The following TMEM260 variants were observed in gnomAD, a reference collection of about 807,000 sequenced individuals.
TMEM260 encodes the protein protein O-mannosyl-transferase TMEM260.
In TMEM260, 82 loss-of-function variants were observed where a neutral mutation model predicts 88.9. That is an observed-to-expected ratio of 0.92 (90% CI 0.77 to 1.11). The LOEUF (loss-of-function observed/expected upper bound fraction) is 1.11, where lower values mean the gene tolerates loss of function less well. TMEM260 is among the 50% of genes least tolerant of loss of function. TMEM260 has a pLI of 0.00. For missense variants in TMEM260, 902 were observed against 853.4 expected (o/e 1.06, Z -0.71); for synonymous variants, 314 against 309.3 (o/e 1.02, Z -0.16).
downstream of TMEM260, among the ~76,000 whole-genome samples, chr14:56,651,326 GAA>G (rs72001981): frequency 1.3e-5 from 2 of 148,662 alleles, no homozygotes; most frequent in East Asian, 2.0e-4. Flanking sequence ...GGTTTTTCAG[GAA>G]AAAAAAAAAT....
intron 15 of TMEM260, among the ~76,000 whole-genome samples, chr14:56,644,351 A>G (rs1889809934): frequency 1.3e-5 from 2 of 152,328 alleles, no homozygotes; most frequent in Admixed American, 6.5e-5. Context: ...ATAATGCCAC[A>G]TATCTACAAA....
intron 12 of TMEM260, among the ~76,000 whole-genome samples, chr14:56,629,497 AT>A (rs1277241458): frequency 6.6e-6 from 1 of 152,040 alleles, no homozygotes; most frequent in African/African-American, 2.4e-5. Context: ...ATATTCTACA[AT>A]ATTTATCAGA....
At chr14:56,606,559 A>G (rs185737555) in intron 5 of TMEM260, among the ~76,000 whole-genome samples, 175 of 152,360 alleles carry the variant, frequency 1.1e-3, no homozygotes, top group African/African-American at 4.0e-3. Context: ...CAAAAAGGGT[A>G]ACACAGAGGT....
chr14:56,662,159 G>A, the TMEM260 span, among the ~76,000 whole-genome samples: 1 of 152,188 alleles, frequency 6.6e-6, no homozygotes, highest in South Asian at 2.1e-4. Flanking sequence ...TCTAAATCTT[G>A]TCTGTCTTCT....
At chr14:56,649,882 G>A (rs930061653), downstream of TMEM260, among the ~76,000 whole-genome samples, 1 of 152,136 alleles carries the variant, frequency 6.6e-6, no homozygotes, top group African/African-American at 2.4e-5. Context: ...ATGATGGCCC[G>A]GAGTAGATAG....
At chr14:56,640,186 C>T (rs1365132651) in intron 15 of TMEM260, among the ~76,000 whole-genome samples, 2 of 152,186 alleles carry the variant, frequency 1.3e-5, no homozygotes, top group Admixed American at 6.5e-5. Flanking sequence ...TGAGAATGGG[C>T]AGACTGCCTC....
chr14:56,639,025 AGGTAGCACAGTTGT>A (rs1215490886), intron 15 of TMEM260, among the ~76,000 whole-genome samples: 1 of 152,202 alleles, frequency 6.6e-6, no homozygotes, highest in African/African-American at 2.4e-5. Context: ...TTCCAGAAAA[AGGTAGCACAGTTGT>A]CCTGCTGCCT....
intron 13 of TMEM260, chr14:56,633,420 A>G (rs963480123): frequency 6.3e-6 from 2 of 315,652 alleles, no homozygotes; most frequent in Non-Finnish European, 1.2e-5. Flanking sequence ...GGTTAGATGC[A>G]TGGCACCTTC....
chr14:56,609,033 A>T, intron 5 of TMEM260, 73 bp from the exon 6 acceptor site: 1 of 1,456,704 alleles, frequency 6.9e-7, no homozygotes, highest in South Asian at 1.2e-5. Context: ...GTTTTCCTTG[A>T]TATGTTCTTG....
intron 15 of TMEM260, chr14:56,638,458 A>G (rs1462151112): frequency 6.6e-6 from 1 of 152,206 alleles, no homozygotes; most frequent in Non-Finnish European, 1.5e-5. Flanking sequence ...ACTTACTGAT[A>G]CTTTATATTC....
chr14:56,638,340 G>C (rs1889284405), intron 15 of TMEM260: 1 of 152,012 alleles, frequency 6.6e-6, no homozygotes, highest in African/African-American at 2.4e-5. Flanking sequence ...AAAAAAAAGG[G>C]CTTTAAACTT....
Position 56,585,925 on chromosome 14 carries a change from A to T in TMEM260, c.344+13A>T, listed in dbSNP as rs1377328016. 1 of 1,609,054 alleles carries T rather than the reference A, an allele frequency of 6.2e-7. No individual in the cohort carries two copies. Reference sequence around the variant, plus strand: ...TCACCGTTTTCAGGTAAAGTAGTTGATTAGTTAAAATTAATTTTGAGCAGT... The same window carrying T: ...TCACCGTTTTCAGGTAAAGTAGTTGTTTAGTTAAAATTAATTTTGAGCAGT... On this transcript the variant is annotated intron_variant, in intron 3 of 15. Coordinates refer to ENST00000261556, the MANE Select transcript of TMEM260 (RefSeq NM_017799.4).
intron 12 of TMEM260, 100 bp from the exon 13 acceptor site, chr14:56,632,895 G>C (rs1452087129): frequency 8.6e-7 from 1 of 1,166,246 alleles, no homozygotes; most frequent in Non-Finnish European, 1.2e-6. Flanking sequence ...GGTAATAACT[G>C]TTGGGAAAAA....
rs1566547957 is a variant in TMEM260, at chr14:56,610,951, C to G, written c.817-1294C>G. ...CTGATTTCTAGCCAAATATTCTTTT[C>G]TTTCTTTCTTTCTTTCTTTTTTTTT... On this transcript the variant is annotated intron_variant, in intron 6 of 15. Coordinates refer to ENST00000261556, the MANE Select transcript of TMEM260 (RefSeq NM_017799.4). 2.1e-5 allele frequency among the ~76,000 whole-genome samples: 3 copies of G among 143,228 alleles called. No individual in the cohort carries two copies. In the East Asian group the frequency reaches 7.2e-4, roughly 34 times the overall value. The allele number at this position is 143,228 out of a possible 152,430, so 94.0% of individuals were successfully genotyped here.
the TMEM260 span, among the ~76,000 whole-genome samples, chr14:56,657,434 T>C: frequency 1.3e-5 from 2 of 151,570 alleles, no homozygotes; most frequent in African/African-American, 4.9e-5. Context: ...TGAGCCACCA[T>C]GCCCATCCCA....
At chr14:56,652,810 A>G (rs902933262), downstream of TMEM260, among the ~76,000 whole-genome samples, 3 of 152,164 alleles carry the variant, frequency 2.0e-5, no homozygotes, top group Non-Finnish European at 4.4e-5. Flanking sequence ...TGTGGCTTGT[A>G]TCTACACAGT....
Position 56,603,802 on chromosome 14 carries a change from T to C in TMEM260, c.345-13T>C. On this transcript the variant is annotated splice_polypyrimidine_tract_variant and intron_variant, in intron 3 of 15. Coordinates refer to ENST00000261556, the MANE Select transcript of TMEM260 (RefSeq NM_017799.4). ...TGTTGGAAAAGAAGATTTCATGTTATCTGTGTTTGCAGGCTTTCTGGCTCA... is the reference window on the plus strand; with the variant it reads ...TGTTGGAAAAGAAGATTTCATGTTACCTGTGTTTGCAGGCTTTCTGGCTCA... 3 of 1,613,648 alleles carry C rather than the reference T, an allele frequency of 1.9e-6. No homozygotes were observed. The highest frequency in any genetic ancestry group is 1.7e-6 in the Non-Finnish European group (2 of 1,179,630).
intron 1 of TMEM260, among the ~76,000 whole-genome samples, chr14:56,583,828 T>A (rs2139493806): frequency 6.6e-6 from 1 of 152,128 alleles, no homozygotes; most frequent in East Asian, 1.9e-4. Flanking sequence ...CAGTGGGTAA[T>A]AAGATTTGAC....
chr14:56,647,673 T>C lies in TMEM260; in HGVS notation c.*176T>C, dbSNP rs536066345. The C allele has an allele frequency of 1.6e-6, 1 of 635,190 alleles. No homozygotes were observed. Among genetic ancestry groups the C allele is most frequent in the East Asian group, 3.2e-5 (1 of 31,482 alleles). The allele number at this position is 635,190 out of a possible 1,614,324, so 39.3% of individuals were successfully genotyped here. ...GGGGTATTCAGTGACTAAGGTCTGC[T>C]ATTTATGCAAAATTCTGTTTATCCC... On this transcript the variant is annotated 3_prime_UTR_variant, in exon 16 of 16. Transcript: ENST00000261556.
Sources: gnomAD v4.1 joint callset for allele counts (sites outside exome capture counted in the v4.1 genomes callset) on GRCh38, gnomAD v4.1.1 for gene constraint, MANE v1.5 for transcripts, NCBI Gene and HGNC (gene_info 2026-07-23, HGNC 2026-07-21) for gene names.